Variants in KCTD8 observed in about 807,000 individuals in gnomAD.
KCTD8 encodes the protein BTB/POZ domain-containing protein KCTD8.
Under a neutral mutation model 31.5 loss-of-function variants are expected in KCTD8, and 27 were observed. The observed-to-expected ratio is 0.86, with a 90% confidence interval of 0.63 to 1.18. The LOEUF (loss-of-function observed/expected upper bound fraction) is 1.18, where lower values mean the gene tolerates loss of function less well. Ranked by LOEUF, KCTD8 falls within the 50% of genes most tolerant of loss-of-function variation. The probability of loss-of-function intolerance (pLI) is 0.00; values close to 1 mark genes in which losing one functional copy is unlikely to be tolerated. For missense variants in KCTD8, 658 were observed against 647.7 expected (o/e 1.02, Z -0.17); for synonymous variants, 290 against 280.0 (o/e 1.04, Z -0.36).
chr4:44,377,274 T>G (rs1212494578), intron 1 of KCTD8, among the ~76,000 whole-genome samples: 1 of 151,444 alleles, frequency 6.6e-6, no homozygotes, highest in East Asian at 2.0e-4. Flanking sequence ...AAGGTGAGGG[T>G]TTTCCCTCAC....
At chr4:44,201,798 A>G (rs373824737) in intron 1 of KCTD8, among the ~76,000 whole-genome samples, 2 of 152,154 alleles carry the variant, frequency 1.3e-5, no homozygotes, top group Non-Finnish European at 2.9e-5. Context: ...TGACAGTGTG[A>G]CCTAATCAAA....
intron 1 of KCTD8, among the ~76,000 whole-genome samples, chr4:44,412,888 C>T (rs1303504733): frequency 6.6e-6 from 1 of 152,032 alleles, no homozygotes; most frequent in African/African-American, 2.4e-5. Flanking sequence ...TTCAAAGAGT[C>T]GTTCCAAAAC....
At chr4:44,352,132 A>G (rs1306811758) in intron 1 of KCTD8, among the ~76,000 whole-genome samples, 1 of 152,058 alleles carries the variant, frequency 6.6e-6, no homozygotes, top group East Asian at 1.9e-4. Context: ...GCCAGGATTC[A>G]TTAAAATGAT....
chr4:44,423,064 G>A (rs992677044), intron 1 of KCTD8, among the ~76,000 whole-genome samples: 5 of 151,994 alleles, frequency 3.3e-5, no homozygotes, highest in Non-Finnish European at 7.4e-5. Context: ...TACCCCCCGG[G>A]GAACATCTGA....
At chr4:44,276,081 A>G (rs1487740876) in intron 1 of KCTD8, among the ~76,000 whole-genome samples, 4 of 152,002 alleles carry the variant, frequency 2.6e-5, no homozygotes, top group Admixed American at 2.6e-4. Context: ...GTGGTGTGGT[A>G]GAAGCCATCT....
intron 1 of KCTD8, among the ~76,000 whole-genome samples, chr4:44,199,199 T>C (rs1364051890): frequency 6.6e-6 from 1 of 152,058 alleles, no homozygotes; most frequent in Non-Finnish European, 1.5e-5. Flanking sequence ...ACAATAATAG[T>C]AAGGTACTGT....
At chr4:44,235,954 A>T (rs1397514319) in intron 1 of KCTD8, among the ~76,000 whole-genome samples, 1 of 152,120 alleles carries the variant, frequency 6.6e-6, no homozygotes, top group African/African-American at 2.4e-5. Flanking sequence ...ACAAAGTGTG[A>T]GCCGGGATAA....
At chr4:44,275,038 T>C (rs1358903301) in intron 1 of KCTD8, among the ~76,000 whole-genome samples, 2 of 151,936 alleles carry the variant, frequency 1.3e-5, no homozygotes, top group Admixed American at 1.3e-4. Context: ...TATGTCTTGA[T>C]GGTAACTTAG....
intron 1 of KCTD8, among the ~76,000 whole-genome samples, chr4:44,266,648 C>G (rs1285898901): frequency 6.6e-6 from 1 of 150,904 alleles, no homozygotes; most frequent in Non-Finnish European, 1.5e-5. Flanking sequence ...TCAGGAAACC[C>G]ATCTCACGTG....
intron 1 of KCTD8, among the ~76,000 whole-genome samples, chr4:44,204,379 G>A (rs575164398): frequency 1.8e-4 from 28 of 152,196 alleles, no homozygotes; most frequent in African/African-American, 5.5e-4. Context: ...GTTAAAGATC[G>A]ACCCCTGATC....
intron 1 of KCTD8, among the ~76,000 whole-genome samples, chr4:44,284,308 C>G (rs1716993677): frequency 6.6e-6 from 1 of 152,098 alleles, no homozygotes; most frequent in Admixed American, 6.6e-5. Flanking sequence ...AGAACAGAAG[C>G]CTCAGAAATA....
At chr4:44,384,567 G>T (rs1437211444) in intron 1 of KCTD8, among the ~76,000 whole-genome samples, 1 of 151,844 alleles carries the variant, frequency 6.6e-6, no homozygotes, top group African/African-American at 2.4e-5. Context: ...ATATGTGGAA[G>T]CTAAAAAGAT....
chr4:44,379,603 A>G (rs1720008233), intron 1 of KCTD8, among the ~76,000 whole-genome samples: 1 of 152,118 alleles, frequency 6.6e-6, no homozygotes, highest in Admixed American at 6.6e-5. Flanking sequence ...CATGAAAGGG[A>G]GAAAAGATGG....
chr4:44,281,233 T>A (rs1716896161), intron 1 of KCTD8, among the ~76,000 whole-genome samples: 1 of 152,102 alleles, frequency 6.6e-6, no homozygotes, highest in African/African-American at 2.4e-5. Context: ...TGTACCCAAC[T>A]AAAATAATGC....
chr4:44,434,027 C>G (rs768913514), intron 1 of KCTD8, among the ~76,000 whole-genome samples: 3 of 151,858 alleles, frequency 2.0e-5, no homozygotes, highest in African/African-American at 4.8e-5. Flanking sequence ...TGTGCTACAT[C>G]ATATTTCCTT....
At chr4:44,237,290 C>G (rs1473255198) in intron 1 of KCTD8, among the ~76,000 whole-genome samples, 5 of 152,032 alleles carry the variant, frequency 3.3e-5, no homozygotes, top group South Asian at 2.1e-4. Context: ...TGACATCTGA[C>G]TGGTGAGTGA....
chr4:44,304,139 A>G (rs1341664394), intron 1 of KCTD8, among the ~76,000 whole-genome samples: 1 of 152,130 alleles, frequency 6.6e-6, no homozygotes, highest in Non-Finnish European at 1.5e-5. Flanking sequence ...CTGAGTGACC[A>G]TCTACATTTC....
intron 1 of KCTD8, among the ~76,000 whole-genome samples, chr4:44,435,017 A>C (rs16856929): frequency 0.13 from 19,308 of 151,972 alleles, 2,741 homozygotes; most frequent in African/African-American, 0.33. Context: ...CAATGACAGG[A>C]GAAAGTTATT....
chr4:44,424,723 G>C (rs1020314462), intron 1 of KCTD8, among the ~76,000 whole-genome samples: 7 of 151,862 alleles, frequency 4.6e-5, no homozygotes, highest in African/African-American at 1.7e-4. Context: ...CTAAAAATAT[G>C]AACTCTAAAC....
Sources: gnomAD v4.1 joint callset for allele counts (sites outside exome capture counted in the v4.1 genomes callset) on GRCh38, gnomAD v4.1.1 for gene constraint, MANE v1.5 for transcripts, NCBI Gene and HGNC (gene_info 2026-07-23, HGNC 2026-07-21) for gene names.